PROKR1: variants seen among roughly 807,000 people sequenced by gnomAD.
The protein encoded by PROKR1 is G protein-coupled receptor 73.
Under a neutral mutation model 22.8 loss-of-function variants are expected in PROKR1, and 21 were observed. The ratio of observed to expected loss-of-function variants is 0.92; its 90% CI spans 0.65 to 1.32. The LOEUF is 1.32. Among genes scored for constraint, PROKR1 ranks in the 40% most tolerant of loss-of-function variants. The pLI is 0.00. For synonymous variants in PROKR1, 193 were observed against 207.5 expected (o/e 0.93, Z 0.60); for missense variants, 548 against 514.2 (o/e 1.07, Z -0.64).
intron 2 of PROKR1, among the ~76,000 whole-genome samples, chr2:68,651,081 G>A (rs1673307197): frequency 6.6e-6 from 1 of 152,186 alleles, no homozygotes; most frequent in Non-Finnish European, 1.5e-5. Flanking sequence ...GGAAAATGAG[G>A]CCAGGTGTGG....
chr2:68,648,264 T>C (rs1673234711), intron 2 of PROKR1, among the ~76,000 whole-genome samples: 1 of 152,186 alleles, frequency 6.6e-6, no homozygotes, highest in Non-Finnish European at 1.5e-5. Context: ...TTGGGTTATT[T>C]GGAACATGTA....
Position 68,643,592 on chromosome 2 carries a change from C to A in PROKR1, c.-417C>A, listed in dbSNP as rs1673111778. The A allele has an allele frequency of 6.6e-6, 1 of 152,290 alleles. No individual in the cohort carries two copies. Among genetic ancestry groups the A allele is most frequent in the Non-Finnish European group, 1.5e-5 (1 of 68,092 alleles). The allele number at this position is 152,290 out of a possible 1,614,324, so 9.4% of individuals were successfully genotyped here. A position where few individuals can be genotyped will look rare whatever the true frequency, so the allele number is the denominator to read the frequency against. ...CCTCTGCAGCCCAGCTGGCGACACG[C>A]CTCGCCAAGAGCCCGCACCTCGGCG... On this transcript the variant is annotated 5_prime_UTR_variant, in exon 1 of 3. Coordinates refer to ENST00000303786, the MANE Select transcript of PROKR1 (RefSeq NM_138964.4).
At position 68,655,122 on chromosome 2, in the gene PROKR1, G is replaced by C; in HGVS notation, c.728G>C (p.Gly243Ala). Residue 243 changes from glycine (G) to alanine (A), a missense_variant, in exon 3 of 3, where the codon GGC (glycine) becomes GCC (alanine). Transcript: ENST00000303786. ...TTTATCTTTGGCATAGAATTCGTGG[G>C]CCCCGTGGTCACCATGACCCTGTGC... ...FLFIFGIEFV[G>A]PVVTMTLCYA... 6.2e-7 allele frequency: 1 copy of C among 1,614,134 alleles called. No homozygotes were observed. The highest frequency in any genetic ancestry group is 8.5e-7 in the Non-Finnish European group (1 of 1,180,038).
chr2:68,643,830 G>C lies in PROKR1; in HGVS notation c.-179G>C, dbSNP rs1335751583. 6.6e-6 allele frequency: 1 copy of C among 152,306 alleles called. No individual in the cohort carries two copies. The highest frequency in any genetic ancestry group is 2.4e-5 in the African/African-American group (1 of 41,470). 9.4% of individuals were successfully genotyped at this position (152,306 alleles called of 1,614,324 possible). ...ATAAGAAACCCGGACCTTGCCTGCCGGGCTCCGCGATGCCGCAGGTACAGA... is the reference window on the plus strand; with the variant it reads ...ATAAGAAACCCGGACCTTGCCTGCCCGGCTCCGCGATGCCGCAGGTACAGA... On this transcript the variant is annotated 5_prime_UTR_variant, in exon 1 of 3. Transcript: ENST00000303786.
In PROKR1 at chr2:68,645,983, T is replaced by C. The variant is rs1204091629; in HGVS notation, c.162T>C (p.Asn54=). Residue 54 remains asparagine (N), a synonymous_variant, in exon 2 of 3, where the codon AAT becomes AAC. Coordinates refer to ENST00000303786, the MANE Select transcript of PROKR1 (RefSeq NM_138964.4). The part of the protein sequence containing the change: ...MPLDEDEDVT[N]SRTFFAAKIV... ...TGGATGAAGATGAGGATGTGACCAATTCCAGGACGTTCTTTGCTGCCAAGA... is the reference window on the plus strand; with the variant it reads ...TGGATGAAGATGAGGATGTGACCAACTCCAGGACGTTCTTTGCTGCCAAGA... The C allele has an allele frequency of 6.2e-7, 1 of 1,614,252 alleles. No individual in the cohort carries two copies. Among genetic ancestry groups the C allele is most frequent in the East Asian group, 2.2e-5 (1 of 44,896 alleles).
rs1673495778 is a variant in PROKR1 at position 68,657,365 on chromosome 2, T to C, written c.*1789T>C. The stretch of plus-strand genomic sequence containing the variant: ...ATTTTTCTTTGTGTAAATTATTCCT[T>C]TGTGCTTCATAACAGTGCTGTATGC... On this transcript the variant is annotated 3_prime_UTR_variant, in exon 3 of 3. Transcript: ENST00000303786. 6.6e-6 allele frequency: 1 copy of C among 152,244 alleles called. No homozygotes were observed. Among genetic ancestry groups the C allele is most frequent in the Non-Finnish European group, 1.5e-5 (1 of 68,044 alleles). The allele number at this position is 152,244 out of a possible 1,614,324, so 9.4% of individuals were successfully genotyped here. A position where few individuals can be genotyped will look rare whatever the true frequency, so the allele number is the denominator to read the frequency against.
chr2:68,655,661 T>A lies in PROKR1; in HGVS notation c.*85T>A. The A allele has an allele frequency of 7.4e-7, 1 of 1,351,040 alleles. No individual in the cohort carries two copies. The highest frequency in any genetic ancestry group is 1.0e-6 in the Non-Finnish European group (1 of 966,898). 83.7% of individuals were successfully genotyped at this position (1,351,040 alleles called of 1,614,324 possible). A position where few individuals can be genotyped will look rare whatever the true frequency, so the allele number is the denominator to read the frequency against. On this transcript the variant is annotated 3_prime_UTR_variant, in exon 3 of 3. Transcript: ENST00000303786. ...GCTTGGATGCACATCAACCTGGAAC[T>A]TTTTGTTTGCTGCAGAGGGTAAAGT... is the stretch of plus-strand genomic sequence containing the variant.
At position 68,645,825 on chromosome 2, in the gene PROKR1, G is replaced by C. The variant is rs746263392; in HGVS notation, c.4G>C (p.Glu2Gln). The change falls in exon 2 of 3, where the codon GAG becomes CAG. Residue 2 changes from glutamate to glutamine, a missense_variant. Coordinates refer to ENST00000303786, the MANE Select transcript of PROKR1 (RefSeq NM_138964.4). ...GCTCACAGCACCACCTGGCCAGATG[G>C]AGACCACCATGGGGTTCATGGATGA... M[E>Q]TTMGFMDDNA... The C allele has an allele frequency of 6.2e-7, 1 of 1,614,186 alleles. No individual in the cohort carries two copies. The highest frequency in any genetic ancestry group is 1.1e-5 in the South Asian group (1 of 91,076).
rs1366622365 is a variant in PROKR1, at chr2:68,655,126, CGTGGTCACCA to C, written c.733_742del (p.Val245Ter). 1 of 1,614,110 alleles carries C rather than the reference CGTGGTCACCA, an allele frequency of 6.2e-7. No homozygotes were observed. The highest frequency in any genetic ancestry group is 1.3e-5 in the African/African-American group (1 of 74,942). On this transcript the variant is annotated frameshift_variant, in exon 3 of 3. Coordinates refer to ENST00000303786, the MANE Select transcript of PROKR1 (RefSeq NM_138964.4). LOFTEE classifies it high-confidence loss of function. The stretch of plus-strand genomic sequence containing the variant: ...TCTTTGGCATAGAATTCGTGGGCCC[CGTGGTCACCA>C]TGACCCTGTGCTATGCCAGGATCTC...
At chr2:68,651,914 AC>A (rs1415835087) in intron 2 of PROKR1, among the ~76,000 whole-genome samples, 1 of 152,260 alleles carries the variant, frequency 6.6e-6, no homozygotes, top group African/African-American at 2.4e-5. Context: ...CCAAGGGCAT[AC>A]ATATAAGCAG....
In PROKR1 at chr2:68,656,985, A is replaced by G. The variant is rs573665422; in HGVS notation, c.*1409A>G. The G allele has an allele frequency of 6.6e-6, 1 of 152,116 alleles. No homozygotes were observed. Among genetic ancestry groups the G allele is most frequent in the Non-Finnish European group, 1.5e-5 (1 of 68,032 alleles). The allele number at this position is 152,116 out of a possible 1,614,324, so 9.4% of individuals were successfully genotyped here. On this transcript the variant is annotated 3_prime_UTR_variant, in exon 3 of 3. Coordinates refer to ENST00000303786, the MANE Select transcript of PROKR1 (RefSeq NM_138964.4). Reference sequence around the variant, plus strand: ...TCAGTGACCCCATAGGTTGTTGAAGACTCATCCCACTTTCTAACCTGCCTC... The same window carrying G: ...TCAGTGACCCCATAGGTTGTTGAAGGCTCATCCCACTTTCTAACCTGCCTC...
At chr2:68,653,067 G>A (rs1354986290) in intron 2 of PROKR1, among the ~76,000 whole-genome samples, 1 of 152,244 alleles carries the variant, frequency 6.6e-6, no homozygotes, top group African/African-American at 2.4e-5. Context: ...AATGGAGCCA[G>A]TGAGAGCAGA....
rs1480668947 is a variant in PROKR1 at position 68,649,271 on chromosome 2, G to C, written c.485+2965G>C. Among the ~76,000 whole-genome samples the C allele has an allele frequency of 2.0e-5, 3 of 152,066 alleles. No homozygotes were observed. The East Asian group carries it at 5.8e-4, about 29-fold the overall frequency. On this transcript the variant is annotated intron_variant, in intron 2 of 2. Transcript: ENST00000303786. The stretch of plus-strand genomic sequence containing the variant: ...CTAGAAGAAAGTCTCCTTTGTCCTG[G>C]CTGCTCTCCCTTCTTTACCAGCATT...
At position 68,655,025 on chromosome 2, in the gene PROKR1, A is replaced by G. The variant is rs764356821; in HGVS notation, c.631A>G (p.Ser211Gly). 1 of 1,613,352 alleles carries G rather than the reference A, an allele frequency of 6.2e-7. No homozygotes were observed. The highest frequency in any genetic ancestry group is 1.1e-5 in the South Asian group (1 of 91,062). ...TTETVLVIVKSQEKIFCGQIW... is the reference protein window; with the variant it reads ...TTETVLVIVKGQEKIFCGQIW... ...CGAGACGGTCCTCGTCATTGTCAAG[A>G]GCCAGGAAAAGATCTTCTGCGGCCA... The change falls in exon 3 of 3, where the codon AGC (serine) becomes GGC (glycine). Residue 211 changes from serine (S) to glycine (G), a missense_variant. Physicochemically the swap from Ser to Gly is moderately conservative, Grantham distance 56 (BLOSUM62 0). Coordinates refer to ENST00000303786, the MANE Select transcript of PROKR1 (RefSeq NM_138964.4).
chr2:68,647,502 G>C (rs1433284858), intron 2 of PROKR1, among the ~76,000 whole-genome samples: 1 of 152,210 alleles, frequency 6.6e-6, no homozygotes, highest in African/African-American at 2.4e-5. Context: ...TCAAGGATCT[G>C]AGGGGGTTTG....
intron 1 of PROKR1, among the ~76,000 whole-genome samples, chr2:68,645,358 T>A (rs1427487874): frequency 2.0e-5 from 3 of 152,156 alleles, no homozygotes; most frequent in African/African-American, 4.8e-5. Context: ...TAAAGAAATT[T>A]CTTTCTCTTC....
chr2:68,647,611 C>T (rs1007303933), intron 2 of PROKR1, among the ~76,000 whole-genome samples: 7 of 152,076 alleles, frequency 4.6e-5, no homozygotes, highest in African/African-American at 9.6e-5. Context: ...GTGGGATGAC[C>T]GAAAAGGATA....
Position 68,655,324 on chromosome 2 carries a change from C to G in PROKR1, c.930C>G (p.Phe310Leu), listed in dbSNP as rs147273197. The G allele has an allele frequency of 1.6e-5, 26 of 1,614,148 alleles. No individual in the cohort carries two copies. Among genetic ancestry groups the G allele is most frequent in the Non-Finnish European group, 2.1e-5 (25 of 1,180,042 alleles). ...GCTTCACCATCGTGCGCGACTTCTT[C>G]CCCACCGTGTTTGTGAAGGAGAAGC... ...FYGFTIVRDF[F>L]PTVFVKEKHY... The change falls in exon 3 of 3, where the codon TTC becomes TTG. Residue 310 changes from phenylalanine (F) to leucine (L), a missense_variant. Coordinates refer to ENST00000303786, the MANE Select transcript of PROKR1 (RefSeq NM_138964.4).
chr2:68,648,713 G>A (rs1451863785), intron 2 of PROKR1, among the ~76,000 whole-genome samples: 1 of 152,206 alleles, frequency 6.6e-6, no homozygotes, highest in Non-Finnish European at 1.5e-5. Context: ...TCAGTTGGGA[G>A]CAACTAATTT....
Sources: allele counts gnomAD v4.1 joint callset (sites outside exome capture counted in the v4.1 genomes callset), GRCh38; gene constraint gnomAD v4.1.1; transcripts MANE v1.5; gene names NCBI Gene and HGNC (gene_info 2026-07-23, HGNC 2026-07-21).